Variants in TRABD2B observed in about 807,000 individuals in gnomAD.
TRABD2B encodes the protein metalloprotease TIKI2.
Under a neutral mutation model 40.1 loss-of-function variants are expected in TRABD2B, and 14 were observed. The ratio of observed to expected loss-of-function variants is 0.35; its 90% CI spans 0.23 to 0.55. TRABD2B has a LOEUF of 0.55. Ranked by LOEUF, TRABD2B falls within the 20% of genes least tolerant of loss-of-function variation. The probability of loss-of-function intolerance (pLI) is 0.90; values close to 1 mark genes in which losing one functional copy is unlikely to be tolerated. For synonymous variants in TRABD2B, 263 were observed against 277.0 expected, an observed-to-expected ratio of 0.95 and a Z score of 0.50; for missense variants, 541 against 648.6, an observed-to-expected ratio of 0.83 and a Z score of 1.80.
At chr1:47,928,712 C>T (rs559518332) in intron 2 of TRABD2B, among the ~76,000 whole-genome samples, 1 of 152,242 alleles carries the variant, frequency 6.6e-6, no homozygotes, top group Non-Finnish European at 1.5e-5. Context: ...TACTGTGGTA[C>T]CTAAGTGTAC....
chr1:47,859,839 A>C (rs1407744118), intron 2 of TRABD2B, among the ~76,000 whole-genome samples: 1 of 152,164 alleles, frequency 6.6e-6, no homozygotes, highest in East Asian at 1.9e-4. Context: ...TATAATAATG[A>C]TCACTCCTCA....
At chr1:47,893,277 A>G (rs1644474419) in intron 2 of TRABD2B, among the ~76,000 whole-genome samples, 1 of 152,176 alleles carries the variant, frequency 6.6e-6, no homozygotes, top group African/African-American at 2.4e-5. Flanking sequence ...TGCTTCCTAA[A>G]AGTGTCCTCC....
At chr1:47,766,903 G>A (rs1054528805) in intron 6 of TRABD2B, among the ~76,000 whole-genome samples, 20 of 152,214 alleles carry the variant, frequency 1.3e-4, no homozygotes, top group African/African-American at 4.3e-4. Flanking sequence ...GAAAGCCCAC[G>A]TGACAGAGAG....
chr1:47,768,122 C>T (rs1436156898), intron 6 of TRABD2B, among the ~76,000 whole-genome samples: 1 of 152,248 alleles, frequency 6.6e-6, no homozygotes, highest in Non-Finnish European at 1.5e-5. Context: ...TGCCCCATCC[C>T]TCTCTCCCTT....
At chr1:47,981,014 C>T (rs1032100389) in intron 2 of TRABD2B, among the ~76,000 whole-genome samples, 3 of 151,942 alleles carry the variant, frequency 2.0e-5, no homozygotes, top group Non-Finnish European at 4.4e-5. Context: ...TTTCTTTTTT[C>T]TTTTCTTTTT....
intron 2 of TRABD2B, 52 bp downstream of exon 2, chr1:47,993,982 G>A (rs1231415991): frequency 6.8e-7 from 1 of 1,469,676 alleles, no homozygotes; most frequent in East Asian, 2.5e-5. Flanking sequence ...TCAGAGAAGA[G>A]GACCCAGGTA....
chr1:47,964,820 G>C (rs984630297), intron 2 of TRABD2B, among the ~76,000 whole-genome samples: 1 of 151,986 alleles, frequency 6.6e-6, no homozygotes, highest in Admixed American at 6.6e-5. Context: ...TGGAAGCCCA[G>C]AGAGAGGAAA....
intron 2 of TRABD2B, among the ~76,000 whole-genome samples, chr1:47,810,629 T>A (rs1644952289): frequency 6.6e-6 from 1 of 152,126 alleles, no homozygotes; most frequent in African/African-American, 2.4e-5. Context: ...TGAGATGAGT[T>A]CCAAAGAAGT....
intron 2 of TRABD2B, among the ~76,000 whole-genome samples, chr1:47,847,040 ACCT>A (rs1231208440): frequency 2.0e-5 from 3 of 151,730 alleles, no homozygotes; most frequent in African/African-American, 7.3e-5. Flanking sequence ...TTCTTCTCTG[ACCT>A]CCTCCCCACT....
chr1:47,788,208 G>A (rs1644623041), intron 4 of TRABD2B, among the ~76,000 whole-genome samples: 1 of 152,174 alleles, frequency 6.6e-6, no homozygotes, highest in Admixed American at 6.5e-5. Flanking sequence ...GCAGGATGGT[G>A]TCCACTCTCT....
chr1:47,841,019 G>C (rs1645389326), intron 2 of TRABD2B, among the ~76,000 whole-genome samples: 1 of 152,244 alleles, frequency 6.6e-6, no homozygotes, highest in African/African-American at 2.4e-5. Flanking sequence ...CCTACCTCCT[G>C]CGTGGAGTGC....
At chr1:47,952,852 A>C (rs893439400) in intron 2 of TRABD2B, among the ~76,000 whole-genome samples, 2 of 152,186 alleles carry the variant, frequency 1.3e-5, no homozygotes, top group East Asian at 3.9e-4. Context: ...GAGGACACCG[A>C]GGCCTCCCCA....
chr1:47,953,453 C>T (rs1364167508), intron 2 of TRABD2B, among the ~76,000 whole-genome samples: 1 of 152,132 alleles, frequency 6.6e-6, no homozygotes, highest in South Asian at 2.1e-4. Context: ...CTTTTAAAAT[C>T]ATAGGGCTGG....
intron 2 of TRABD2B, among the ~76,000 whole-genome samples, chr1:47,874,001 T>G (rs1644182311): frequency 6.6e-6 from 1 of 152,276 alleles, no homozygotes; most frequent in African/African-American, 2.4e-5. Flanking sequence ...GCCTCAAAGC[T>G]AACCATGGCC....
rs551455708 is a variant in TRABD2B, at chr1:47,880,183, G to A, written c.667-78564C>T. Reference sequence around the variant, plus strand: ...AATTATTGTATATTTGGGGGTGGTCGTGGGCACCTGTAATTCCAGATACTC... The same window carrying A: ...AATTATTGTATATTTGGGGGTGGTCATGGGCACCTGTAATTCCAGATACTC... On this transcript the variant is annotated intron_variant, in intron 2 of 6. Transcript: ENST00000606738. Among the ~76,000 whole-genome samples the A allele has an allele frequency of 9.9e-5, 15 of 152,256 alleles. No homozygotes were observed. The East Asian group carries it at 1.4e-3, about 14-fold the overall frequency.
At chr1:47,960,373 G>C (rs111546451) in intron 2 of TRABD2B, among the ~76,000 whole-genome samples, 8 of 152,290 alleles carry the variant, frequency 5.3e-5, no homozygotes, top group African/African-American at 1.9e-4. Flanking sequence ...AGGGCAATCA[G>C]GCAGGAGAAA....
intron 3 of TRABD2B, among the ~76,000 whole-genome samples, chr1:47,797,217 G>T (rs997250810): frequency 6.6e-6 from 1 of 152,216 alleles, no homozygotes; most frequent in Non-Finnish European, 1.5e-5. Flanking sequence ...ACACATTATT[G>T]TAGGGATTAA....
intron 3 of TRABD2B, among the ~76,000 whole-genome samples, 176 bp from the exon 4 acceptor site, chr1:47,794,936 T>C (rs1169287208): frequency 6.6e-6 from 1 of 152,090 alleles, no homozygotes; most frequent in Non-Finnish European, 1.5e-5. Context: ...GACTAGCTAA[T>C]TTTTAAATAT....
chr1:47,870,888 AG>A (rs1311475754), intron 2 of TRABD2B, among the ~76,000 whole-genome samples: 1 of 152,204 alleles, frequency 6.6e-6, no homozygotes, highest in Non-Finnish European at 1.5e-5. Flanking sequence ...CAGACCAGGA[AG>A]GGCATTTAGG....
Sources: gnomAD v4.1 joint callset for allele counts (sites outside exome capture counted in the v4.1 genomes callset) on GRCh38, gnomAD v4.1.1 for gene constraint, MANE v1.5 for transcripts, NCBI Gene and HGNC (gene_info 2026-07-23, HGNC 2026-07-21) for gene names.